The following DUX4 variants were observed in gnomAD, a reference collection of about 807,000 sequenced individuals.
DUX4 encodes the protein double homeobox 4, also known as double homeobox protein 4.
downstream of DUX4, among the ~76,000 whole-genome samples, chr4:190,179,990 C>T (rs1742522908): frequency 6.6e-6 from 1 of 151,574 alleles, no homozygotes; most frequent in African/African-American, 2.4e-5. Flanking sequence ...TCACAATGCC[C>T]CTTTAGGCAG....
At chr4:190,183,696 C>G (rs1375149345) in intron 1 of DUX4, among the ~76,000 whole-genome samples, 2 of 113,122 alleles carry the variant, frequency 1.8e-5, no homozygotes, top group African/African-American at 5.2e-5. Flanking sequence ...AAAGCCTACT[C>G]AAGCCATTTG....
At chr4:190,179,262 A>C (rs1579835253), downstream of DUX4, among the ~76,000 whole-genome samples, 1 of 151,214 alleles carries the variant, frequency 6.6e-6, no homozygotes, top group African/African-American at 2.4e-5. Context: ...GATCCTAGAC[A>C]AGAGTTACAT....
intron 1 of DUX4, among the ~76,000 whole-genome samples, chr4:190,182,492 A>G (rs1213144455): frequency 0.58 from 532 of 924 alleles, 128 homozygotes; most frequent in Non-Finnish European, 0.73. Flanking sequence ...TTTAGGGTTA[A>G]GGTTAGGGTT....
rs1361304026 is a variant in DUX4 at position 190,175,200 on chromosome 4, C to A, written c.*152C>A. 10,953 of 74,122 alleles carry A rather than the reference C, an allele frequency of 0.15. 8 individuals are homozygous for A. The highest frequency in any genetic ancestry group is 0.19 in the Non-Finnish European group (7,523 of 38,856). 4.6% of individuals were successfully genotyped at this position (74,122 alleles called of 1,614,324 possible). ...GGGATTCCTGCCTTCTAGGTCTAGG[C>A]CCGGTGAGAGACTCCACTCCGCGGA... is the stretch of plus-strand genomic sequence containing the variant. On this transcript the variant is annotated 3_prime_UTR_variant, in exon 1 of 2. Coordinates refer to ENST00000565211, the MANE Select transcript of DUX4 (RefSeq NM_001306068.3).
chr4:190,182,359 T>TTGGGTG (rs1742612570), intron 1 of DUX4, among the ~76,000 whole-genome samples: 1 of 82,654 alleles, frequency 1.2e-5, no homozygotes. Flanking sequence ...GGATTCGGGT[T>TTGGGTG]CAGGTTAAGA....
chr4:190,177,114 T>C (rs1579832406), downstream of DUX4, among the ~76,000 whole-genome samples: 52 of 151,336 alleles, frequency 3.4e-4, no homozygotes, highest in Non-Finnish European at 4.4e-4. Flanking sequence ...CAGAGATATT[T>C]CACAATGTCC....
downstream of DUX4, among the ~76,000 whole-genome samples, chr4:190,176,668 A>T (rs1161598951): frequency 2.6e-4 from 28 of 108,814 alleles, no homozygotes; most frequent in East Asian, 1.4e-3. Flanking sequence ...CCTAGACAAG[A>T]GTTTCATCAC....
chr4:190,177,075 G>T (rs1742340440), downstream of DUX4, among the ~76,000 whole-genome samples: 1 of 147,790 alleles, frequency 6.8e-6, no homozygotes, highest in African/African-American at 2.4e-5. Context: ...AGAGTATAGA[G>T]AAGAGTCCCA....
chr4:190,179,918 G>A (rs35853203), downstream of DUX4, among the ~76,000 whole-genome samples: 1 of 151,802 alleles, frequency 6.6e-6, no homozygotes. Context: ...TATGTGACAA[G>A]GCCCCTTTAA....
chr4:190,177,099 C>A (rs1207273220), downstream of DUX4, among the ~76,000 whole-genome samples: 3,503 of 122,916 alleles, frequency 0.028, no homozygotes, highest in South Asian at 0.082. Context: ...CCTGGGTGAT[C>A]AGTGCAGAGA....
At chr4:190,177,932 G>T (rs1742395653), downstream of DUX4, among the ~76,000 whole-genome samples, 1,326 of 114,902 alleles carry the variant, frequency 0.012, no homozygotes, top group South Asian at 0.026. Flanking sequence ...GTGGAGATAT[G>T]TCACAATGTC....
downstream of DUX4, among the ~76,000 whole-genome samples, chr4:190,179,396 A>T (rs76458024): frequency 4.6e-4 from 5 of 10,840 alleles, no homozygotes; most frequent in South Asian, 5.3e-3. Context: ...CAGAGCCTTG[A>T]CAAGTGGTAC....
At chr4:190,179,010 A>ATCAGTACAGGGTTATGTCACAAAGTTAAT, downstream of DUX4, among the ~76,000 whole-genome samples, 1 of 145,676 alleles carries the variant, frequency 6.9e-6, no homozygotes, top group Middle Eastern at 3.3e-3. Context: ...CACCTGGATG[A>ATCAGTACAGGGTTATGTCACAAAGTTAAT]TTAGTGCAGA....
intron 1 of DUX4, chr4:190,182,083 T>G (rs1427013365): frequency 4.2e-5 from 5 of 118,942 alleles, no homozygotes; most frequent in African/African-American, 1.3e-4. Context: ...ACCTGTGTGA[T>G]CAGTGTAGAG....
rs1742632555 is a variant in DUX4 at position 190,183,686 on chromosome 4, A to G, written n.93-1655A>G. The stretch of plus-strand genomic sequence containing the variant: ...ACCAATGGAAACATCCTACGTTCCA[A>G]AAGCCTACTCAAGCCATTTGTTCTT... On this transcript the variant is annotated intron_variant and non_coding_transcript_variant, in intron 1 of 2. Transcript: ENST00000563716. Among the ~76,000 whole-genome samples the G allele has an allele frequency of 1.8e-5, 2 of 112,688 alleles. 1 individual carries two copies. Among genetic ancestry groups the G allele is most frequent in the African/African-American group, 5.2e-5 (2 of 38,180 alleles). 73.9% of individuals were successfully genotyped at this position (112,688 alleles called of 152,430 possible). A position where few individuals can be genotyped will look rare whatever the true frequency, so the allele number is the denominator to read the frequency against.
downstream of DUX4, among the ~76,000 whole-genome samples, chr4:190,179,752 C>A (rs1742509527): frequency 4.1e-5 from 6 of 147,540 alleles, no homozygotes; most frequent in Admixed American, 6.9e-5. Flanking sequence ...GTTACATCAC[C>A]TCGGTTAACA....
chr4:190,181,960 A>G (rs1281927388), intron 1 of DUX4, among the ~76,000 whole-genome samples: 1 of 106,134 alleles, frequency 9.4e-6, no homozygotes, highest in Admixed American at 1.2e-4. Context: ...CAGTGCAGAC[A>G]TATGTCAAAG....
downstream of DUX4, among the ~76,000 whole-genome samples, chr4:190,176,116 G>A (rs1742292708): frequency 8.9e-6 from 1 of 112,490 alleles, no homozygotes; most frequent in African/African-American, 2.6e-5. Context: ...GCAGAGTGTA[G>A]GCAAGTGTTC....
chr4:190,179,147 T>G (rs1579835131), downstream of DUX4, among the ~76,000 whole-genome samples: 1,007 of 132,324 alleles, frequency 7.6e-3, no homozygotes, highest in Non-Finnish European at 8.9e-3. Flanking sequence ...ACCTAGGTGA[T>G]CAGTGCAGAG....
Sources: gnomAD v4.1 joint callset for allele counts (sites outside exome capture counted in the v4.1 genomes callset) on GRCh38, gnomAD v4.1.1 for gene constraint, MANE v1.5 for transcripts, NCBI Gene and HGNC (gene_info 2026-07-23, HGNC 2026-07-21) for gene names.